CCDC136: variants seen among roughly 807,000 people sequenced by gnomAD.
CCDC136 encodes coiled-coil domain containing 136, also known as coiled-coil domain-containing protein 136.
A neutral mutation model predicts 141.2 loss-of-function variants in CCDC136; 100 were observed. That is an observed-to-expected ratio of 0.71 (90% CI 0.60 to 0.84). The LOEUF (loss-of-function observed/expected upper bound fraction) is 0.84, where lower values mean the gene tolerates loss of function less well. Ranked by LOEUF, CCDC136 falls within the 40% of genes least tolerant of loss-of-function variation. CCDC136 has a pLI of 0.00. For missense variants in CCDC136, 1,206 were observed against 1,379.4 expected, an observed-to-expected ratio of 0.87 and a Z score of 1.99; for synonymous variants, 474 against 531.9, an observed-to-expected ratio of 0.89 and a Z score of 1.50.
chr7:128,807,394 A>G lies in CCDC136; in HGVS notation c.1454A>G (p.Lys485Arg). ...ACGCACGCTCAGCTTCAGGAGATGA[A>G]GCAGCTGTACCAGGCCAGCAAGGAC... ...TETHAQLQEMKQLYQASKDEL... is the reference protein window; with the variant it reads ...TETHAQLQEMRQLYQASKDEL... Residue 485 changes from lysine to arginine, a missense_variant, in exon 10 of 18, where the codon AAG becomes AGG. Physicochemically the swap from Lys to Arg is conservative, Grantham distance 26. Coordinates refer to ENST00000297788, the MANE Select transcript of CCDC136 (RefSeq NM_022742.5). 1.3e-6 allele frequency: 2 copies of G among 1,573,240 alleles called. No homozygotes were observed. The highest frequency in any genetic ancestry group is 1.7e-6 in the Non-Finnish European group (2 of 1,160,030).
chr7:128,812,932 A>T lies in CCDC136; in HGVS notation c.2763+3A>T, dbSNP rs777176966. The T allele has an allele frequency of 6.3e-7, 1 of 1,596,024 alleles. No individual in the cohort carries two copies. Among genetic ancestry groups the T allele is most frequent in the Middle Eastern group, 1.7e-4 (1 of 6,040 alleles). On this transcript the variant is annotated splice_donor_region_variant and intron_variant, in intron 14 of 17. Transcript: ENST00000297788. ...CCCCCCAGAACGACAAGAATGAGGTAACCACTGTCAGGGAGGCAGGGTTTC... is the reference window on the plus strand; with the variant it reads ...CCCCCCAGAACGACAAGAATGAGGTTACCACTGTCAGGGAGGCAGGGTTTC...
rs1350018178 is a variant in CCDC136 at position 128,804,732 on chromosome 7, G to A, written c.753G>A (p.Thr251=). The A allele has an allele frequency of 3.1e-6, 5 of 1,599,780 alleles. No individual in the cohort carries two copies. The African/African-American group carries it at 4.0e-5, about 13-fold the overall frequency. Reference sequence around the variant, plus strand: ...TGCAGGAGAGCAACAGCAGCCTCACGGGGCAGCTTGCAGATCTGGAGAGTG... The same window carrying A: ...TGCAGGAGAGCAACAGCAGCCTCACAGGGCAGCTTGCAGATCTGGAGAGTG... ...RALQESNSSL[T]GQLADLESER... is the part of the protein sequence containing the mutation. The change falls in exon 5 of 18, where the codon ACG becomes ACA. Residue 251 remains threonine (T), a synonymous_variant. Transcript: ENST00000297788.
At chr7:128,796,739 A>ATATATATATATTTTTTT in intron 3 of CCDC136, among the ~76,000 whole-genome samples, 12 of 113,376 alleles carry the variant, frequency 1.1e-4, no homozygotes, top group East Asian at 7.1e-4. Flanking sequence ...ATATATATAT[A>ATATATATATATTTTTTT]TTCTTTTTTT....
At chr7:128,815,033 G>T in intron 15 of CCDC136, 114 bp downstream of exon 15, 1 of 914,140 alleles carries the variant, frequency 1.1e-6, no homozygotes, top group African/African-American at 1.7e-5. Flanking sequence ...AAGCTTCTGG[G>T]ATCTCTGAAG....
At chr7:128,791,154 A>G (rs899040986), upstream of CCDC136, among the ~76,000 whole-genome samples, 1 of 152,124 alleles carries the variant, frequency 6.6e-6, no homozygotes, top group African/African-American at 2.4e-5. This position sits in a 1 kb window ranked among gnomAD's most constrained non-coding sequence, Gnocchi z 7.1. Flanking sequence ...CCGCCGCCAG[A>G]ACCAGGGGAT....
chr7:128,796,054 C>A (rs1248897825), intron 3 of CCDC136, among the ~76,000 whole-genome samples: 6 of 152,192 alleles, frequency 3.9e-5, no homozygotes, highest in Non-Finnish European at 8.8e-5. Flanking sequence ...CAGCTCACTT[C>A]AACCTCTGCC....
intron 14 of CCDC136, among the ~76,000 whole-genome samples, chr7:128,814,092 C>CTTTT (rs1311663497): frequency 5.5e-5 from 8 of 145,412 alleles, no homozygotes; most frequent in Non-Finnish European, 3.0e-5. Context: ...TTTTGACCTT[C>CTTTT]TTTTTTTTTT....
At chr7:128,797,660 G>A (rs1469792845) in intron 3 of CCDC136, among the ~76,000 whole-genome samples, 1 of 152,178 alleles carries the variant, frequency 6.6e-6, no homozygotes, top group Non-Finnish European at 1.5e-5. Context: ...GGTTTGGAGA[G>A]GAAATGGGAG....
intron 9 of CCDC136, among the ~76,000 whole-genome samples, 153 bp from the exon 10 acceptor site, chr7:128,807,207 G>A (rs1356123947): frequency 6.6e-6 from 1 of 152,168 alleles, no homozygotes; most frequent in African/African-American, 2.4e-5. Context: ...GCCTGTCAGG[G>A]ACGGGTCCAT....
At chr7:128,816,065 G>A (rs181421957) in intron 16 of CCDC136, 134 bp downstream of exon 16, 56 of 816,152 alleles carry the variant, frequency 6.9e-5, no homozygotes, top group East Asian at 5.9e-4. Context: ...ACAACCCTTC[G>A]GGGAGGTGGA....
chr7:128,800,794 A>G (rs1163422999), intron 3 of CCDC136, among the ~76,000 whole-genome samples: 2 of 152,210 alleles, frequency 1.3e-5, no homozygotes, highest in Non-Finnish European at 2.9e-5. Context: ...ATAGGTGAAA[A>G]TAGTCTGTAT....
Position 128,821,360 on chromosome 7 carries a change from C to G in CCDC136, c.*6-439C>G, listed in dbSNP as rs1807412220. ...GTGCACTTTCTTCATTTCCCCTCAG[C>G]CTTATTCCCCCTTCCCCATCCTCTT... On this transcript the variant is annotated intron_variant, in intron 17 of 17. Transcript: ENST00000297788. The surrounding 1 kb of genome is among the most constrained non-coding windows in gnomAD (Gnocchi z 5.1). 6.6e-6 allele frequency among the ~76,000 whole-genome samples: 1 copy of G among 152,190 alleles called. No individual in the cohort carries two copies. The highest frequency in any genetic ancestry group is 2.1e-4 in the South Asian group (1 of 4,830).
At chr7:128,808,461 T>A in intron 10 of CCDC136, 1 of 984,952 alleles carries the variant, frequency 1.0e-6, no homozygotes, top group South Asian at 4.7e-5. Flanking sequence ...ATTTTTTTTC[T>A]TTTCCATAGT....
At chr7:128,791,704 G>A (rs1436072168), upstream of CCDC136, 5 of 488,628 alleles carry the variant, frequency 1.0e-5, no homozygotes, top group Non-Finnish European at 1.6e-5. This position sits in a 1 kb window ranked among gnomAD's most constrained non-coding sequence, Gnocchi z 7.1. Context: ...CCGGGGCCCG[G>A]TCTCCATCCT....
In CCDC136 at chr7:128,814,701, C is replaced by G; in HGVS notation, c.2827C>G (p.Gln943Glu). 2.5e-6 allele frequency: 4 copies of G among 1,613,208 alleles called. No homozygotes were observed. Among genetic ancestry groups the G allele is most frequent in the Non-Finnish European group, 3.4e-6 (4 of 1,179,530 alleles). Residue 943 changes from glutamine to glutamate, a missense_variant, in exon 15 of 18, where the codon CAG becomes GAG. Coordinates refer to ENST00000297788, the MANE Select transcript of CCDC136 (RefSeq NM_022742.5). The stretch of plus-strand genomic sequence containing the variant: ...GCAATACCAGGCTAGCATGGATGAG[C>G]AGGGGCGGCTTCTGGTAGTGCAGGA... ...QLQYQASMDE[Q>E]GRLLVVQEQL...
chr7:128,808,698 C>G (rs1342511147), intron 10 of CCDC136: 3 of 985,318 alleles, frequency 3.0e-6, no homozygotes, highest in Admixed American at 1.2e-4. Context: ...TCAGCAGTCT[C>G]TTTGCCTTTC....
At chr7:128,808,857 A>G (rs1805268597) in intron 10 of CCDC136, 2 of 985,336 alleles carry the variant, frequency 2.0e-6, no homozygotes, top group Non-Finnish European at 2.4e-6. Flanking sequence ...CTTTTTCTCT[A>G]GCCGTAAAAC....
rs1404306167 is a variant in CCDC136 at position 128,815,609 on chromosome 7, C to G, written c.3046-5C>G. 7.1e-6 allele frequency: 11 copies of G among 1,550,514 alleles called. No homozygotes were observed. Among genetic ancestry groups the G allele is most frequent in the Non-Finnish European group, 8.7e-6 (10 of 1,146,510 alleles). On this transcript the variant is annotated splice_polypyrimidine_tract_variant and splice_region_variant and intron_variant, in intron 15 of 17. Coordinates refer to ENST00000297788, the MANE Select transcript of CCDC136 (RefSeq NM_022742.5). ...CCGCCATCCTGCCCTACTCCCACCCCACAGAGTCTGGAGGTAGTGCTGTAC... is the reference window on the plus strand; with the variant it reads ...CCGCCATCCTGCCCTACTCCCACCCGACAGAGTCTGGAGGTAGTGCTGTAC...
intron 3 of CCDC136, among the ~76,000 whole-genome samples, chr7:128,800,309 G>A (rs1244462740): frequency 6.6e-6 from 1 of 151,744 alleles, no homozygotes; most frequent in Non-Finnish European, 1.5e-5. Flanking sequence ...ATTATTTTTC[G>A]AGACCGAGTC....
Sources: gnomAD v4.1 joint callset for allele counts (sites outside exome capture counted in the v4.1 genomes callset) on GRCh38, gnomAD v4.1.1 for gene constraint, Gnocchi (gnomAD v3.1) non-coding constraint, MANE v1.5 for transcripts, NCBI Gene and HGNC (gene_info 2026-07-23, HGNC 2026-07-21) for gene names.